HDAC4: variants seen among roughly 807,000 people sequenced by gnomAD.
The protein encoded by HDAC4 is histone deacetylase 4, also known as histone deacetylase A.
In HDAC4, 16 loss-of-function variants were observed where a neutral mutation model predicts 135.1. That is an observed-to-expected ratio of 0.12 (90% CI 0.08 to 0.18). The LOEUF (loss-of-function observed/expected upper bound fraction) is 0.18, where lower values mean the gene tolerates loss of function less well. Among genes scored for constraint, HDAC4 ranks in the 10% least tolerant of loss-of-function variants. HDAC4 has a pLI of 1.00. For synonymous variants in HDAC4, 685 were observed against 653.4 expected (o/e 1.05, Z -0.74); for missense variants, 1,143 against 1,511.8 (o/e 0.76, Z 4.05).
At chr2:239,311,236 G>A (rs1025472798) in intron 2 of HDAC4, among the ~76,000 whole-genome samples, 2 of 152,104 alleles carry the variant, frequency 1.3e-5, no homozygotes, top group Non-Finnish European at 2.9e-5. Flanking sequence ...GGCCCCTTCC[G>A]AGCTCTCAGC....
At chr2:239,118,560 G>C (rs1262698571) in intron 12 of HDAC4, among the ~76,000 whole-genome samples, 1 of 152,190 alleles carries the variant, frequency 6.6e-6, no homozygotes, top group Non-Finnish European at 1.5e-5. Flanking sequence ...TAAGTTCCGG[G>C]ACCTGATGCA....
At chr2:239,293,436 C>A (rs982843032) in intron 2 of HDAC4, among the ~76,000 whole-genome samples, 1 of 152,164 alleles carries the variant, frequency 6.6e-6, no homozygotes, top group African/African-American at 2.4e-5. Context: ...CCCTACCCTC[C>A]ACAATCAAAG....
At chr2:239,150,283 A>C (rs556867502) in intron 7 of HDAC4, among the ~76,000 whole-genome samples, 2 of 152,224 alleles carry the variant, frequency 1.3e-5, no homozygotes, top group East Asian at 3.9e-4. Context: ...ACATAGATAC[A>C]CACACAGGTA....
chr2:239,083,362 G>A (rs1168200547), intron 20 of HDAC4, among the ~76,000 whole-genome samples: 1 of 152,198 alleles, frequency 6.6e-6, no homozygotes, highest in Non-Finnish European at 1.5e-5. Context: ...TTGGGTGTGG[G>A]GGACCCGCTG....
chr2:239,113,446 G>A (rs141384221), intron 13 of HDAC4, among the ~76,000 whole-genome samples: 3 of 152,320 alleles, frequency 2.0e-5, no homozygotes, highest in East Asian at 1.9e-4. Flanking sequence ...CCTCCCCGAC[G>A]CGGGCTGGAG....
intron 2 of HDAC4, among the ~76,000 whole-genome samples, chr2:239,257,917 AAG>A (rs1314495961): frequency 2.0e-5 from 3 of 152,242 alleles, no homozygotes; most frequent in African/African-American, 7.2e-5. Flanking sequence ...AATTCTGAGA[AAG>A]AGACTTTGTT....
At chr2:239,132,100 G>C (rs544110666) in intron 11 of HDAC4, among the ~76,000 whole-genome samples, 9 of 152,306 alleles carry the variant, frequency 5.9e-5, no homozygotes, top group African/African-American at 9.6e-5. Context: ...GGGAGTGAGA[G>C]AGCATGGGAG....
rs11685857 is a variant in HDAC4 at position 239,133,982 on chromosome 2, G to A, written c.1294+263C>T. Among the ~76,000 whole-genome samples the A allele has an allele frequency of 0.13, 19,567 of 152,132 alleles. 1,616 individuals carry two copies. Among genetic ancestry groups the A allele is most frequent in the Non-Finnish European group, 0.18 (12,043 of 68,002 alleles). ...CTTGGTCCAGACAGAAACCCAAATC[G>A]CAAGAGCCGGTGGCCTCTCCCAAAA... is the stretch of plus-strand genomic sequence containing the variant. On this transcript the variant is annotated intron_variant, in intron 11 of 26. Transcript: ENST00000543185.
chr2:239,120,401 A>ACAG (rs1553622806), intron 12 of HDAC4, among the ~76,000 whole-genome samples: 70 of 127,762 alleles, frequency 5.5e-4, no homozygotes, highest in East Asian at 9.3e-4. Context: ...AGACGCACAC[A>ACAG]GACACACACA....
At chr2:239,172,293 A>T (rs2043497441) in intron 5 of HDAC4, among the ~76,000 whole-genome samples, 3 of 115,054 alleles carry the variant, frequency 2.6e-5, no homozygotes. Context: ...GGTGAAAAAA[A>T]ATATATATAT....
At position 239,122,541 on chromosome 2, in the gene HDAC4, C is replaced by T. The variant is rs933836581; in HGVS notation, c.1533+3915G>A. On this transcript the variant is annotated intron_variant, in intron 12 of 26. Coordinates refer to ENST00000543185, the MANE Select transcript of HDAC4 (RefSeq NM_001378414.1). The stretch of plus-strand genomic sequence containing the variant: ...CTTATAAACACCACTGCATACAAGG[C>T]ACGGGCAACAGAAGCTGACACAGTT... Among the ~76,000 whole-genome samples, 6 of 152,334 alleles carry T rather than the reference C, an allele frequency of 3.9e-5. No homozygotes were observed. The South Asian group carries it at 1.0e-3, about 26-fold the overall frequency.
At chr2:239,242,138 AAGAAAGAAAGAAAG>A (rs1225205631) in intron 2 of HDAC4, among the ~76,000 whole-genome samples, 1 of 151,112 alleles carries the variant, frequency 6.6e-6, no homozygotes, top group East Asian at 1.9e-4. Context: ...GAGAAAGAGA[AAGAAAGAAAGAAAG>A]AGAAAGAAAG....
intron 2 of HDAC4, among the ~76,000 whole-genome samples, chr2:239,294,043 C>T (rs191914635): frequency 3.2e-4 from 49 of 152,300 alleles, no homozygotes; most frequent in Admixed American, 2.7e-3. Context: ...CACACAAATA[C>T]CCGCCCATCG....
chr2:239,121,639 C>T (rs913441701), intron 12 of HDAC4, among the ~76,000 whole-genome samples: 12 of 152,266 alleles, frequency 7.9e-5, no homozygotes, highest in South Asian at 2.1e-4. Context: ...CGCTGCCGCA[C>T]GCCCCTCGGC....
At chr2:239,205,651 C>A (rs2153084128) in intron 3 of HDAC4, among the ~76,000 whole-genome samples, 1 of 151,584 alleles carries the variant, frequency 6.6e-6, no homozygotes, top group South Asian at 2.1e-4. Context: ...CAGACTTCAT[C>A]TGAACAACAC....
At chr2:239,283,018 C>G (rs2050909281) in intron 2 of HDAC4, among the ~76,000 whole-genome samples, 1 of 152,214 alleles carries the variant, frequency 6.6e-6, no homozygotes, top group African/African-American at 2.4e-5. Flanking sequence ...ACTCTACACA[C>G]AATGTACACA....
At chr2:239,103,689 C>A (rs139619043) in intron 15 of HDAC4, among the ~76,000 whole-genome samples, 1 of 152,340 alleles carries the variant, frequency 6.6e-6, no homozygotes, top group Non-Finnish European at 1.5e-5. Flanking sequence ...CGACTGCAGC[C>A]CTGCCCCAGC....
chr2:239,217,136 C>T (rs573025488), intron 3 of HDAC4, among the ~76,000 whole-genome samples: 10 of 152,246 alleles, frequency 6.6e-5, no homozygotes, highest in Non-Finnish European at 1.3e-4. Context: ...GACACACCTC[C>T]GCAGGGCTCC....
At chr2:239,097,773 C>T (rs545785671) in intron 16 of HDAC4, among the ~76,000 whole-genome samples, 1 of 151,298 alleles carries the variant, frequency 6.6e-6, no homozygotes, top group Non-Finnish European at 1.5e-5. Context: ...TGCTGCCCGT[C>T]GTCTGTAGTG....
Sources: allele counts gnomAD v4.1 joint callset (sites outside exome capture counted in the v4.1 genomes callset), GRCh38; gene constraint gnomAD v4.1.1; transcripts MANE v1.5; gene names NCBI Gene and HGNC (gene_info 2026-07-23, HGNC 2026-07-21).